The following CNTNAP5 variants were observed in gnomAD, a reference collection of about 807,000 sequenced individuals.
The protein encoded by CNTNAP5 is contactin associated protein family member 5.
CNTNAP5 carries 72 observed loss-of-function variants against 150.2 expected under a neutral mutation model. That is an observed-to-expected ratio of 0.48 (90% confidence interval 0.40 to 0.58). CNTNAP5 has a LOEUF of 0.58. Among genes scored for constraint, CNTNAP5 ranks in the 20% least tolerant of loss-of-function variants. The pLI, the probability that CNTNAP5 is intolerant of heterozygous loss-of-function variation, is 0.00. For synonymous variants in CNTNAP5, 672 were observed against 619.8 expected (o/e 1.08, Z -1.25); for missense variants, 1,636 against 1,626.2 (o/e 1.01, Z -0.10).
rs1289700119 is a variant in CNTNAP5, at chr2:124,902,113, C to A, written c.3437-769C>A. ...GCAGTTTTATATAATTGCATCATAGCAGTTTGTTCAATTGACTCTTTTAAG... is the reference window on the plus strand; with the variant it reads ...GCAGTTTTATATAATTGCATCATAGAAGTTTGTTCAATTGACTCTTTTAAG... On this transcript the variant is annotated intron_variant, in intron 21 of 23. Transcript: ENST00000682447. Among the ~76,000 whole-genome samples, 4 of 152,052 alleles carry A rather than the reference C, an allele frequency of 2.6e-5. No individual in the cohort carries two copies. The East Asian group carries it at 7.7e-4, about 29-fold the overall frequency.
At chr2:124,300,007 A>G (rs557333768) in intron 3 of CNTNAP5, among the ~76,000 whole-genome samples, 2 of 152,232 alleles carry the variant, frequency 1.3e-5, no homozygotes, top group African/African-American at 4.8e-5. Context: ...ATGGCTAGGA[A>G]GTTTAGGAGA....
chr2:124,172,468 A>G (rs1011123715), intron 1 of CNTNAP5, among the ~76,000 whole-genome samples: 1 of 152,144 alleles, frequency 6.6e-6, no homozygotes, highest in Non-Finnish European at 1.5e-5. Context: ...GCTAGAATGC[A>G]TTGGCCGAGT....
At chr2:124,132,943 A>G (rs1683889606) in intron 1 of CNTNAP5, among the ~76,000 whole-genome samples, 1 of 152,130 alleles carries the variant, frequency 6.6e-6, no homozygotes. Context: ...TGCTTTTGTC[A>G]TGCAGCTCTA....
chr2:124,052,513 A>G (rs989975156), intron 1 of CNTNAP5, among the ~76,000 whole-genome samples: 3 of 152,220 alleles, frequency 2.0e-5, no homozygotes, highest in African/African-American at 7.2e-5. Flanking sequence ...AAATTAATGC[A>G]AGCATTTGCA....
intron 2 of CNTNAP5, among the ~76,000 whole-genome samples, chr2:124,241,467 C>T (rs1686884575): frequency 1.3e-5 from 2 of 152,138 alleles, no homozygotes; most frequent in African/African-American, 2.4e-5. Context: ...TCAGGTTTCA[C>T]CTCTACTATT....
intron 3 of CNTNAP5, among the ~76,000 whole-genome samples, chr2:124,296,194 T>A (rs1252580316): frequency 6.6e-6 from 1 of 152,190 alleles, no homozygotes; most frequent in African/African-American, 2.4e-5. Context: ...TAATATTAGC[T>A]GCTCACAACA....
At chr2:124,350,742 A>G (rs1320283560) in intron 3 of CNTNAP5, among the ~76,000 whole-genome samples, 2 of 152,200 alleles carry the variant, frequency 1.3e-5, no homozygotes, top group Admixed American at 1.3e-4. Flanking sequence ...GTAAGGTTAT[A>G]TATTTTGCTA....
rs552961205 is a variant in CNTNAP5, at chr2:124,590,461, C to T, written c.1757-19340C>T. Among the ~76,000 whole-genome samples, 5 of 152,316 alleles carry T rather than the reference C, an allele frequency of 3.3e-5. No individual in the cohort carries two copies. The South Asian group carries it at 1.0e-3, about 32-fold the overall frequency. On this transcript the variant is annotated intron_variant, in intron 11 of 23. Coordinates refer to ENST00000682447, the MANE Select transcript of CNTNAP5 (RefSeq NM_001367498.1). ...CCAGACACATTGTTTGAACTAATTT[C>T]AGCACTCCCATTAGTTTTAACATAT...
intron 21 of CNTNAP5, among the ~76,000 whole-genome samples, chr2:124,890,803 C>T (rs867736477): frequency 1.3e-5 from 2 of 152,034 alleles, no homozygotes; most frequent in African/African-American, 2.4e-5. Flanking sequence ...AAAATGCTAG[C>T]TGAAAGACTA....
intron 1 of CNTNAP5, among the ~76,000 whole-genome samples, chr2:124,034,924 T>C (rs1681168056): frequency 1.3e-5 from 2 of 152,126 alleles, no homozygotes; most frequent in African/African-American, 2.4e-5. Context: ...TATTTTCCTG[T>C]TGATTTTGGG....
intron 22 of CNTNAP5, among the ~76,000 whole-genome samples, chr2:124,904,040 TGA>T (rs1678474544): frequency 8.4e-6 from 1 of 119,408 alleles, no homozygotes; most frequent in South Asian, 2.7e-4. Context: ...GGGTATAGAG[TGA>T]GACTCTGTTT....
At chr2:124,907,373 C>A (rs1352059140) in intron 22 of CNTNAP5, among the ~76,000 whole-genome samples, 1 of 151,690 alleles carries the variant, frequency 6.6e-6, no homozygotes, top group African/African-American at 2.4e-5. Flanking sequence ...GGAATGTTAG[C>A]TCTCTCTCTA....
At chr2:124,586,733 G>T (rs987071798) in intron 11 of CNTNAP5, among the ~76,000 whole-genome samples, 8 of 152,174 alleles carry the variant, frequency 5.3e-5, no homozygotes, top group Non-Finnish European at 8.8e-5. Flanking sequence ...CATCAAGCTA[G>T]AAAGTTGCAA....
chr2:124,776,068 C>A (rs1178379776), intron 17 of CNTNAP5, among the ~76,000 whole-genome samples: 1 of 152,132 alleles, frequency 6.6e-6, no homozygotes, highest in Non-Finnish European at 1.5e-5. Context: ...GCTTGAAGAT[C>A]TGCTATCTGC....
intron 6 of CNTNAP5, among the ~76,000 whole-genome samples, chr2:124,462,774 A>G (rs1693282798): frequency 6.6e-6 from 1 of 152,228 alleles, no homozygotes; most frequent in Non-Finnish European, 1.5e-5. Flanking sequence ...CTAAATTTGT[A>G]AAGAGTTACA....
At chr2:124,501,036 A>G (rs1052929662) in intron 7 of CNTNAP5, among the ~76,000 whole-genome samples, 1 of 152,118 alleles carries the variant, frequency 6.6e-6, no homozygotes, top group East Asian at 1.9e-4. Context: ...TTTTTGGACA[A>G]TGAAAGACCC....
chr2:124,701,059 G>A (rs957971792), intron 13 of CNTNAP5, among the ~76,000 whole-genome samples: 4 of 151,968 alleles, frequency 2.6e-5, no homozygotes, highest in South Asian at 2.1e-4. Flanking sequence ...TACACAGTAC[G>A]CTCTTATTAC....
intron 19 of CNTNAP5, among the ~76,000 whole-genome samples, chr2:124,838,728 A>G (rs17012045): frequency 2.2e-3 from 331 of 152,272 alleles, no homozygotes; most frequent in African/African-American, 7.5e-3. Context: ...TTGGTTTGCC[A>G]ACTGTAGCAA....
intron 11 of CNTNAP5, among the ~76,000 whole-genome samples, chr2:124,595,075 G>A (rs952289554): frequency 1.5e-3 from 225 of 148,116 alleles, no homozygotes; most frequent in African/African-American, 5.2e-3. Flanking sequence ...CAATCATGTC[G>A]TCTGCAAACA....
Sources: allele counts gnomAD v4.1 joint callset (sites outside exome capture counted in the v4.1 genomes callset), GRCh38; gene constraint gnomAD v4.1.1; transcripts MANE v1.5; gene names NCBI Gene and HGNC (gene_info 2026-07-23, HGNC 2026-07-21).